The following NSD1 variants were observed in gnomAD, a reference collection of about 807,000 sequenced individuals.
The protein encoded by NSD1 is nuclear receptor binding SET domain protein 1.
NSD1 carries 26 observed loss-of-function variants against 242.7 expected under a neutral mutation model. The observed-to-expected ratio is 0.11, with a 90% CI of 0.08 to 0.15. The LOEUF is 0.15. NSD1 is among the 10% of genes least tolerant of loss of function. The probability of loss-of-function intolerance (pLI) is 1.00; values close to 1 mark genes in which losing one functional copy is unlikely to be tolerated. For missense variants in NSD1, 2,495 were observed against 3,272.8 expected (o/e 0.76, Z 5.80); for synonymous variants, 1,106 against 1,178.1 (o/e 0.94, Z 1.25).
intron 6 of NSD1, among the ~76,000 whole-genome samples, chr5:177,237,768 C>T (rs1360780148): frequency 2.0e-5 from 3 of 151,968 alleles, no homozygotes; most frequent in African/African-American, 4.8e-5. Flanking sequence ...CTCCTGACCT[C>T]GTGATCTGCC....
chr5:177,265,061 G>C, intron 14 of NSD1: 1 of 757,564 alleles, frequency 1.3e-6, no homozygotes, highest in South Asian at 1.3e-5. Flanking sequence ...GCACTCCTAA[G>C]AGCCAAGATA....
At chr5:177,151,758 C>A (rs1757725565) in intron 2 of NSD1, among the ~76,000 whole-genome samples, 1 of 151,544 alleles carries the variant, frequency 6.6e-6, no homozygotes, top group Admixed American at 6.6e-5. Flanking sequence ...GTGATGCAGT[C>A]ACAACTCACT....
intron 17 of NSD1, among the ~76,000 whole-genome samples, chr5:177,274,768 CT>C (rs921031888): frequency 6.6e-6 from 1 of 150,786 alleles, no homozygotes; most frequent in Non-Finnish European, 1.5e-5. Flanking sequence ...GAGTCTCCCC[CT>C]GTCTCCTAGG....
In NSD1 at chr5:177,226,733, C is replaced by T. The variant is rs117856160; in HGVS notation, c.3797-9088C>T. Reference sequence around the variant, plus strand: ...AACAGTACAGAAAAGTACAGATTGGCATTCTGTTAATTTTTTTTAACATCC... The same window carrying T: ...AACAGTACAGAAAAGTACAGATTGGTATTCTGTTAATTTTTTTTAACATCC... On this transcript the variant is annotated intron_variant, in intron 5 of 22. Coordinates refer to ENST00000439151, the MANE Select transcript of NSD1 (RefSeq NM_022455.5). 2.1e-4 allele frequency among the ~76,000 whole-genome samples: 32 copies of T among 152,224 alleles called. 2 individuals carry two copies. The East Asian group carries it at 6.2e-3, about 29-fold the overall frequency.
chr5:177,209,585 C>A, intron 4 of NSD1, 51 bp from the exon 5 acceptor site: 1 of 1,385,878 alleles, frequency 7.2e-7, no homozygotes, highest in Non-Finnish European at 1.0e-6. Flanking sequence ...TCCCTTTTCC[C>A]CCACCCATTT....
intron 12 of NSD1, among the ~76,000 whole-genome samples, chr5:177,256,336 T>G (rs1193314557): frequency 7.2e-6 from 1 of 139,598 alleles, no homozygotes; most frequent in Admixed American, 8.2e-5. Context: ...CAGGCTGGAG[T>G]GCACTGGTGT....
intron 18 of NSD1, among the ~76,000 whole-genome samples, chr5:177,281,412 T>C (rs146562132): frequency 0.021 from 3,243 of 151,612 alleles, 53 homozygotes; most frequent in Non-Finnish European, 0.035. Flanking sequence ...GGAAATGTAG[T>C]GTATATGGGT....
chr5:177,265,019 A>C (rs1757305472), intron 14 of NSD1: 1 of 779,394 alleles, frequency 1.3e-6, no homozygotes, highest in African/African-American at 1.7e-5. Context: ...GATTCTTGCC[A>C]AGAGATTTCA....
intron 2 of NSD1, among the ~76,000 whole-genome samples, chr5:177,137,881 T>C (rs1581098226): frequency 6.6e-6 from 1 of 151,908 alleles, no homozygotes; most frequent in East Asian, 1.9e-4. Flanking sequence ...GTCAGGAGTT[T>C]GAGACCAGTC....
intron 2 of NSD1, among the ~76,000 whole-genome samples, chr5:177,177,987 C>T (rs1246649386): frequency 2.6e-5 from 4 of 152,122 alleles, no homozygotes; most frequent in Non-Finnish European, 4.4e-5. Flanking sequence ...CTCCACCTTC[C>T]GGGTTCAAGT....
rs1761964239 is a variant in NSD1, at chr5:177,194,675, C to G, written c.1063+2656C>G. On this transcript the variant is annotated intron_variant, in intron 3 of 22. Transcript: ENST00000439151. ...TTTTGAATAATGAGGTGCCCAAAAA[C>G]CTTTATAAATTTTAGTGTCTTTTTT... is the stretch of plus-strand genomic sequence containing the variant. Among the ~76,000 whole-genome samples, 3 of 138,994 alleles carry G rather than the reference C, an allele frequency of 2.2e-5. No individual in the cohort carries two copies. The Middle Eastern group carries it at 0.011, about 523-fold the overall frequency. The allele number at this position is 138,994 out of a possible 152,430, so 91.2% of individuals were successfully genotyped here.
At chr5:177,196,061 C>T (rs1762081792) in intron 3 of NSD1, among the ~76,000 whole-genome samples, 1 of 152,040 alleles carries the variant, frequency 6.6e-6, no homozygotes, top group Admixed American at 6.6e-5. Flanking sequence ...GTGGTGTTTG[C>T]TAATAAAGTT....
intron 3 of NSD1, among the ~76,000 whole-genome samples, chr5:177,201,614 A>G (rs183179944): frequency 2.5e-4 from 37 of 145,472 alleles, no homozygotes; most frequent in East Asian, 1.2e-3. Flanking sequence ...GCTAGAGTGC[A>G]GTGGTGGGAT....
intron 5 of NSD1, 116 bp downstream of exon 5, chr5:177,212,311 A>G (rs1763410227): frequency 3.1e-6 from 3 of 964,178 alleles, no homozygotes; most frequent in East Asian, 2.6e-5. Context: ...AGCGGGGAAG[A>G]ATCATCACTT....
intron 4 of NSD1, 101 bp downstream of exon 4, chr5:177,204,393 TC>T: frequency 8.7e-7 from 1 of 1,143,920 alleles, no homozygotes; most frequent in Non-Finnish European, 1.3e-6. Context: ...TTGCTCTGTT[TC>T]CCAGATTGGA....
rs1186328051 is a variant in NSD1, at chr5:177,211,563, A to G, written c.3164A>G (p.Lys1055Arg). ...GCCTTAAAGACCGAGCGCAAAAGAAAACTGAATCAGCTTCCAAGTGTGACT... is the reference window on the plus strand; with the variant it reads ...GCCTTAAAGACCGAGCGCAAAAGAAGACTGAATCAGCTTCCAAGTGTGACT... ...RKALKTERKR[K>R]LNQLPSVTLD... Residue 1055 changes from lysine to arginine, a missense_variant, in exon 5 of 23, where the codon AAA (lysine) becomes AGA (arginine). Coordinates refer to ENST00000439151, the MANE Select transcript of NSD1 (RefSeq NM_022455.5). The G allele has an allele frequency of 1.2e-6, 2 of 1,614,098 alleles. No homozygotes were observed. Among genetic ancestry groups the G allele is most frequent in the African/African-American group, 1.3e-5 (1 of 75,028 alleles).
chr5:177,191,193 C>T (rs528263944), intron 2 of NSD1, among the ~76,000 whole-genome samples: 1 of 149,442 alleles, frequency 6.7e-6, no homozygotes, highest in African/African-American at 2.5e-5. Flanking sequence ...CGGTCACGAA[C>T]TCCTGACCTC....
At chr5:177,292,659 A>T (rs1430297544) in intron 22 of NSD1, among the ~76,000 whole-genome samples, 1 of 152,230 alleles carries the variant, frequency 6.6e-6, no homozygotes, top group African/African-American at 2.4e-5. Context: ...CCCTACGCCT[A>T]GTGCAGTCTC....
intron 2 of NSD1, among the ~76,000 whole-genome samples, chr5:177,180,664 A>ATTAT (rs936388521): frequency 3.4e-4 from 51 of 151,286 alleles, no homozygotes; most frequent in Non-Finnish European, 5.0e-4. Context: ...TTTTCTTTTT[A>ATTAT]TTATTTATTT....
Sources: allele counts gnomAD v4.1 joint callset (sites outside exome capture counted in the v4.1 genomes callset), GRCh38; gene constraint gnomAD v4.1.1; transcripts MANE v1.5; gene names NCBI Gene and HGNC (gene_info 2026-07-23, HGNC 2026-07-21).